The following LHCGR variants were observed in gnomAD, a reference collection of about 807,000 sequenced individuals.
LHCGR encodes luteinizing hormone/choriogonadotropin receptor.
In LHCGR, 55 loss-of-function variants were observed where a neutral mutation model predicts 60.7. The ratio of observed to expected loss-of-function variants is 0.91; its 90% CI spans 0.73 to 1.13. The LOEUF is 1.13. Among genes scored for constraint, LHCGR ranks in the 50% most tolerant of loss-of-function variants. The pLI is 0.00. For synonymous variants in LHCGR, 337 were observed against 316.5 expected, an observed-to-expected ratio of 1.06 and a Z score of -0.69; for missense variants, 862 against 836.0, an observed-to-expected ratio of 1.03 and a Z score of -0.38.
rs533928944 is a variant in LHCGR, at chr2:48,752,892, T to C, written c.161+2619A>G. 2.0e-5 allele frequency among the ~76,000 whole-genome samples: 3 copies of C among 148,860 alleles called. No homozygotes were observed. The East Asian group carries it at 6.1e-4, about 30-fold the overall frequency. On this transcript the variant is annotated intron_variant, in intron 1 of 10. Transcript: ENST00000294954. ...TCTTTGAGGAAAAAAAAAACTTCCC[T>C]CAATTCTGCTTATTTTCCGTCTGCC...
Position 48,716,110 on chromosome 2 carries a change from A to G in LHCGR, c.537-2056T>C, listed in dbSNP as rs375327497. Reference sequence around the variant, plus strand: ...CTTTCAATAGTTTTCATCCCTTTCTATATTGCAGAATCTGAAGCATGTTTC... The same window carrying G: ...CTTTCAATAGTTTTCATCCCTTTCTGTATTGCAGAATCTGAAGCATGTTTC... On this transcript the variant is annotated intron_variant, in intron 6 of 10. Coordinates refer to ENST00000294954, the MANE Select transcript of LHCGR (RefSeq NM_000233.4). Among the ~76,000 whole-genome samples, 7 of 151,858 alleles carry G rather than the reference A, an allele frequency of 4.6e-5. No homozygotes were observed. The East Asian group carries it at 1.4e-3, about 29-fold the overall frequency.
chr2:48,739,174 G>A (rs1003257096), intron 1 of LHCGR, among the ~76,000 whole-genome samples: 1 of 152,208 alleles, frequency 6.6e-6, no homozygotes, highest in African/African-American at 2.4e-5. Flanking sequence ...AGATGCTGGA[G>A]AGGATGTGGA....
chr2:48,688,941 A>T lies in LHCGR; in HGVS notation c.948-92T>A. 8.4e-7 allele frequency: 1 copy of T among 1,185,896 alleles called. No homozygotes were observed. Among genetic ancestry groups the T allele is most frequent in the Non-Finnish European group, 1.2e-6 (1 of 812,814 alleles). The allele number at this position is 1,185,896 out of a possible 1,614,324, so 73.5% of individuals were successfully genotyped here. On this transcript the variant is annotated intron_variant, in intron 10 of 10. Coordinates refer to ENST00000294954, the MANE Select transcript of LHCGR (RefSeq NM_000233.4). This position sits in a 1 kb window ranked among gnomAD's most constrained non-coding sequence, Gnocchi z 5.2. ...GTTTCTTTAAAGGCAAAGAAACAAA[A>T]GGAAACAAAGCCATAATAGCCTCAG...
intron 6 of LHCGR, chr2:48,721,179 T>C (rs1668478059): frequency 6.5e-6 from 1 of 153,346 alleles, no homozygotes; most frequent in Admixed American, 6.4e-5. Flanking sequence ...GTGTCTTTTG[T>C]GTTCTTGATA....
rs1572877537 is a variant in LHCGR at position 48,733,125 on chromosome 2, G to C, written c.162-1827C>G. ...GCTGTATTCCACTGTACCCCTTGCA[G>C]CATCAATAAAACTGACAGCCAAATT... is the stretch of plus-strand genomic sequence containing the variant. On this transcript the variant is annotated intron_variant, in intron 1 of 10. Coordinates refer to ENST00000294954, the MANE Select transcript of LHCGR (RefSeq NM_000233.4). 4 of 361,166 alleles carry C rather than the reference G, an allele frequency of 1.1e-5. No homozygotes were observed. In the East Asian group the frequency reaches 3.0e-4, roughly 27 times the overall value. The allele number at this position is 361,166 out of a possible 1,614,324, so 22.4% of individuals were successfully genotyped here.
At chr2:48,753,805 AGTGTGTGTGT>A (rs70946826) in intron 1 of LHCGR, among the ~76,000 whole-genome samples, 1 of 149,810 alleles carries the variant, frequency 6.7e-6, no homozygotes, top group Non-Finnish European at 1.5e-5. Context: ...GGAGAAACTG[AGTGTGTGTGT>A]GTGTGTGTGT....
At chr2:48,737,153 G>A (rs1238866563) in intron 1 of LHCGR, among the ~76,000 whole-genome samples, 1 of 152,156 alleles carries the variant, frequency 6.6e-6, no homozygotes. Flanking sequence ...CCCAACACAT[G>A]GCAGAAGTGA....
In LHCGR at chr2:48,688,732, A is replaced by G. The variant is rs11125179; in HGVS notation, c.1065T>C (p.Asp355=). The G allele has an allele frequency of 0.58, 943,082 of 1,613,476 alleles. 282,313 individuals carry two copies. The highest frequency in any genetic ancestry group is 0.93 in the East Asian group (41,941 of 44,864). ...CCCTAAGGAAGTCATAGCCCATAATATCTTCACAGGGATTAAAAGCATCTG... is the reference window on the plus strand; with the variant it reads ...CCCTAAGGAAGTCATAGCCCATAATGTCTTCACAGGGATTAAAAGCATCTG... ...PEPDAFNPCE[D]IMGYDFLRVL... is the part of the protein sequence containing the mutation. Residue 355 remains aspartate, a synonymous_variant, in exon 11 of 11, where the codon GAT becomes GAC. Coordinates refer to ENST00000294954, the MANE Select transcript of LHCGR (RefSeq NM_000233.4). The surrounding 1 kb of genome is among the most constrained non-coding windows in gnomAD (Gnocchi z 5.2).
intron 7 of LHCGR, 113 bp from the exon 8 acceptor site, chr2:48,709,135 G>A (rs1667854044): frequency 7.4e-6 from 6 of 809,872 alleles, no homozygotes; most frequent in Admixed American, 3.7e-5. Context: ...GGGTTAAAAG[G>A]GGGAAAAAGG....
At chr2:48,737,019 G>T (rs1426432664) in intron 1 of LHCGR, among the ~76,000 whole-genome samples, 1 of 152,186 alleles carries the variant, frequency 6.6e-6, no homozygotes, top group Non-Finnish European at 1.5e-5. Flanking sequence ...GCCTTCTGAT[G>T]CCCTCAGGCT....
rs1666889783 is a variant in LHCGR, at chr2:48,692,339, A to T, written c.947+1885T>A. 2.0e-5 allele frequency among the ~76,000 whole-genome samples: 3 copies of T among 152,224 alleles called. No homozygotes were observed. The South Asian group carries it at 6.2e-4, about 31-fold the overall frequency. ...TCTGCCATGATTTCTGGTTAAATTT[A>T]TATCAACAAGAGGTCAAACATGTTT... On this transcript the variant is annotated intron_variant, in intron 10 of 10. Coordinates refer to ENST00000294954, the MANE Select transcript of LHCGR (RefSeq NM_000233.4).
chr2:48,755,436 T>G (rs1279400182), intron 1 of LHCGR, 75 bp downstream of exon 1: 5 of 909,974 alleles, frequency 5.5e-6, no homozygotes, highest in Admixed American at 2.5e-5. Flanking sequence ...GCCAAAGGAG[T>G]AGGGAGGGAA....
chr2:48,742,476 A>G (rs1176787995), intron 1 of LHCGR, among the ~76,000 whole-genome samples: 3 of 151,624 alleles, frequency 2.0e-5, no homozygotes, highest in Non-Finnish European at 4.4e-5. Flanking sequence ...AAAGAACAGA[A>G]ATTATAACAA....
rs777902630 is a variant in LHCGR, at chr2:48,708,960, C to T, written c.668G>A (p.Gly223Glu). The T allele has an allele frequency of 6.2e-7, 1 of 1,614,034 alleles. No individual in the cohort carries two copies. Among genetic ancestry groups the T allele is most frequent in the Non-Finnish European group, 8.5e-7 (1 of 1,179,954 alleles). The change falls in exon 8 of 11, where the codon GGG becomes GAG. Residue 223 changes from glycine to glutamate, a missense_variant. Coordinates refer to ENST00000294954, the MANE Select transcript of LHCGR (RefSeq NM_000233.4). ...MHNGAFRGATGPKTLDISSTK... is the reference protein window; with the variant it reads ...MHNGAFRGATEPKTLDISSTK... ...CCATTCTACTCACAAGGTTTTCGGC[C>T]CTGTGGCCCCACGGAAGGCTCCATT...
chr2:48,724,712 G>A (rs1668643785), intron 4 of LHCGR, among the ~76,000 whole-genome samples: 1 of 152,182 alleles, frequency 6.6e-6, no homozygotes, highest in Admixed American at 6.5e-5. Context: ...TTTCAAAGTA[G>A]TTGATGCTAC....
intron 7 of LHCGR, among the ~76,000 whole-genome samples, chr2:48,712,936 A>G (rs1320339426): frequency 1.3e-5 from 2 of 152,176 alleles, no homozygotes; most frequent in African/African-American, 4.8e-5. Context: ...ACATATCAAT[A>G]TAATAGAGGC....
At chr2:48,750,721 T>C (rs1669920154) in intron 1 of LHCGR, among the ~76,000 whole-genome samples, 1 of 152,224 alleles carries the variant, frequency 6.6e-6, no homozygotes, top group Non-Finnish European at 1.5e-5. Context: ...ACATGTGAAA[T>C]TCTGGGAACC....
intron 3 of LHCGR, among the ~76,000 whole-genome samples, chr2:48,726,827 G>C (rs935985906): frequency 6.6e-6 from 1 of 152,146 alleles, no homozygotes; most frequent in African/African-American, 2.4e-5. Context: ...TCACAGTAAG[G>C]CCTCAACCAG....
intron 8 of LHCGR, among the ~76,000 whole-genome samples, chr2:48,700,698 C>G (rs902046299): frequency 3.3e-5 from 5 of 152,120 alleles, no homozygotes; most frequent in African/African-American, 9.7e-5. Context: ...TTACAAGATT[C>G]GGAGTCTGGT....
Sources: allele counts gnomAD v4.1 joint callset (sites outside exome capture counted in the v4.1 genomes callset), GRCh38; gene constraint gnomAD v4.1.1; non-coding constraint Gnocchi (gnomAD v3.1); transcripts MANE v1.5; gene names NCBI Gene and HGNC (gene_info 2026-07-23, HGNC 2026-07-21).